Variants in SCFD1 observed in about 807,000 individuals in gnomAD.
The protein encoded by SCFD1 is sec1 family domain containing 1, also known as sec1 family domain-containing protein 1.
A neutral mutation model predicts 103.2 loss-of-function variants in SCFD1; 37 were observed. That is an observed-to-expected ratio of 0.36 (90% confidence interval 0.28 to 0.47). The LOEUF (loss-of-function observed/expected upper bound fraction) is 0.47. Ranked by LOEUF, SCFD1 falls within the 20% of genes least tolerant of loss-of-function variation. SCFD1 has a pLI of 1.00. For missense variants in SCFD1, 639 were observed against 761.2 expected (o/e 0.84, Z 1.89); for synonymous variants, 264 against 245.0 (o/e 1.08, Z -0.73).
At chr14:30,711,250 C>A (rs1891847911) in intron 19 of SCFD1, among the ~76,000 whole-genome samples, 1 of 152,126 alleles carries the variant, frequency 6.6e-6, no homozygotes. Flanking sequence ...TAAAAAAAGA[C>A]TTAAAATACA....
upstream of SCFD1, chr14:30,622,300 C>A (rs1304914691): frequency 3.1e-6 from 5 of 1,593,588 alleles, no homozygotes; most frequent in Non-Finnish European, 3.4e-6. Flanking sequence ...CATCCCCCCG[C>A]TCCGCTCCCC....
At chr14:30,651,888 T>A (rs1886426197) in intron 9 of SCFD1, among the ~76,000 whole-genome samples, 1 of 152,200 alleles carries the variant, frequency 6.6e-6, no homozygotes, top group East Asian at 1.9e-4. Flanking sequence ...GGAGACATGT[T>A]TGGTTGTCAT....
intron 20 of SCFD1, 115 bp from the exon 21 acceptor site, chr14:30,719,210 G>T: frequency 1.4e-6 from 1 of 703,152 alleles, no homozygotes; most frequent in Non-Finnish European, 2.5e-6. Context: ...TATTAGGGAT[G>T]GTTGTTATAC....
intron 20 of SCFD1, among the ~76,000 whole-genome samples, chr14:30,718,880 A>AAATAGT (rs1892462991): frequency 6.6e-6 from 1 of 152,216 alleles, no homozygotes; most frequent in South Asian, 2.1e-4. Context: ...GTACAGGACT[A>AAATAGT]AATAGTAGCA....
At chr14:30,703,885 A>AT (rs1167802521) in intron 17 of SCFD1, among the ~76,000 whole-genome samples, 3 of 108,096 alleles carry the variant, frequency 2.8e-5, no homozygotes, top group African/African-American at 9.1e-5. Context: ...TGGATTTTTG[A>AT]TTTTTTCAGA....
chr14:30,631,197 T>A (rs1380801986), intron 3 of SCFD1, among the ~76,000 whole-genome samples: 3 of 151,780 alleles, frequency 2.0e-5, no homozygotes, highest in East Asian at 1.9e-4. Flanking sequence ...CTAAAAAAAA[T>A]ACAGAAAATT....
chr14:30,677,191 C>T (rs1889098244), intron 14 of SCFD1, among the ~76,000 whole-genome samples: 1 of 152,034 alleles, frequency 6.6e-6, no homozygotes, highest in Non-Finnish European at 1.5e-5. Context: ...TTGACAGGGT[C>T]TCTCCCTGTC....
intron 9 of SCFD1, among the ~76,000 whole-genome samples, chr14:30,652,804 C>G (rs1372047432): frequency 6.6e-6 from 1 of 151,958 alleles, no homozygotes; most frequent in Admixed American, 6.6e-5. Flanking sequence ...CCTAGGAGTT[C>G]AAGACCAGCC....
intron 21 of SCFD1, among the ~76,000 whole-genome samples, chr14:30,720,616 T>G (rs1368909509): frequency 6.6e-6 from 1 of 152,126 alleles, no homozygotes; most frequent in African/African-American, 2.4e-5. Context: ...TATTTTTTTC[T>G]TGTGTTTATT....
chr14:30,706,238 C>A (rs1034584402), intron 18 of SCFD1, among the ~76,000 whole-genome samples: 12 of 152,094 alleles, frequency 7.9e-5, no homozygotes, highest in Admixed American at 7.2e-4. Context: ...ATGGTATGAG[C>A]TGAAACTTAG....
At chr14:30,734,567 C>A (rs1893703525) in intron 23 of SCFD1, 1 of 496,264 alleles carries the variant, frequency 2.0e-6, no homozygotes. Context: ...CAATAGTATG[C>A]CATAGTATAT....
intron 14 of SCFD1, among the ~76,000 whole-genome samples, chr14:30,677,827 CTTTTT>C (rs58942207): frequency 3.0e-5 from 2 of 67,516 alleles, no homozygotes; most frequent in Non-Finnish European, 2.8e-5. Flanking sequence ...ACCTAAGCAC[CTTTTT>C]TTTTTTTTTT....
At chr14:30,707,969 T>G (rs1891592284) in intron 18 of SCFD1, 21 bp from the exon 19 acceptor site, 1 of 1,571,108 alleles carries the variant, frequency 6.4e-7, no homozygotes, top group Non-Finnish European at 8.8e-7. Context: ...AGAATGGTCC[T>G]TCTCTTTTGC....
chr14:30,634,019 T>C lies in SCFD1; in HGVS notation c.294T>C (p.Asn98=). Residue 98 remains asparagine, a synonymous_variant, in exon 4 of 25, where the codon AAT becomes AAC. Transcript: ENST00000458591. The stretch of plus-strand genomic sequence containing the variant: ...ACTTTGTAATGCCAACTGAAGAAAA[T>C]ATTGACAGAATGTGCCAGGTAATAT... ...AVYFVMPTEE[N]IDRMCQDLRN... is the part of the protein sequence containing the mutation. The C allele has an allele frequency of 1.3e-6, 2 of 1,589,210 alleles. No individual in the cohort carries two copies. Among genetic ancestry groups the C allele is most frequent in the Non-Finnish European group, 8.6e-7 (1 of 1,162,532 alleles).
chr14:30,734,343 T>A (rs994183804), intron 23 of SCFD1, among the ~76,000 whole-genome samples: 1 of 152,238 alleles, frequency 6.6e-6, no homozygotes, highest in African/African-American at 2.4e-5. Context: ...TGTATTAACT[T>A]ATAAATACTG....
intron 2 of SCFD1, 123 bp from the exon 3 acceptor site, chr14:30,630,354 G>A (rs1422071171): frequency 3.0e-6 from 2 of 662,430 alleles, no homozygotes; most frequent in African/African-American, 3.7e-5. Flanking sequence ...ATGTTAAATT[G>A]AGGCAAGGAT....
chr14:30,639,987 A>G (rs1177572955), intron 6 of SCFD1, 123 bp downstream of exon 6: 1 of 1,143,806 alleles, frequency 8.7e-7, no homozygotes, highest in East Asian at 3.3e-5. Context: ...GAGCTATAGA[A>G]GCTTTTTAAA....
At chr14:30,707,174 T>C (rs771681513) in intron 18 of SCFD1, among the ~76,000 whole-genome samples, 5 of 152,236 alleles carry the variant, frequency 3.3e-5, no homozygotes, top group Non-Finnish European at 5.9e-5. Flanking sequence ...AGAGTTCTTA[T>C]GATTTTACAA....
In SCFD1 at chr14:30,673,985, C is replaced by T; in HGVS notation, c.1148C>T (p.Thr383Ile). ...SMLSDNTAKL[T>I]SAVSSLPELL... ...CTTTCTGACAATACCGCTAAGCTAA[C>T]ATCAGCTGTTAGGTAAGTGAGCAGT... The change falls in exon 13 of 25, where the codon ACA becomes ATA. Residue 383 changes from threonine (T) to isoleucine (I), a missense_variant. Thr to Ile is a moderately conservative substitution (Grantham distance 89). Coordinates refer to ENST00000458591, the MANE Select transcript of SCFD1 (RefSeq NM_016106.4). 6.2e-7 allele frequency: 1 copy of T among 1,612,770 alleles called. No individual in the cohort carries two copies. Among genetic ancestry groups the T allele is most frequent in the South Asian group, 1.1e-5 (1 of 91,032 alleles).
Sources: allele counts gnomAD v4.1 joint callset (sites outside exome capture counted in the v4.1 genomes callset), GRCh38; gene constraint gnomAD v4.1.1; transcripts MANE v1.5; gene names NCBI Gene and HGNC (gene_info 2026-07-23, HGNC 2026-07-21).